The following UFD1 variants were observed in gnomAD, a reference collection of about 807,000 sequenced individuals.
UFD1 encodes ubiquitin recognition factor in ER associated degradation 1, also known as ubiquitin recognition factor in ER-associated degradation protein 1.
UFD1 carries 13 observed loss-of-function variants against 45.9 expected under a neutral mutation model. The observed-to-expected ratio is 0.28, with a 90% CI of 0.18 to 0.45. The LOEUF (loss-of-function observed/expected upper bound fraction) is 0.45, where lower values mean the gene tolerates loss of function less well. UFD1 is among the 20% of genes least tolerant of loss of function. UFD1 has a pLI of 1.00. For missense variants in UFD1, 218 were observed against 389.2 expected (o/e 0.56, Z 3.70); for synonymous variants, 128 against 139.2 (o/e 0.92, Z 0.56).
chr22:19,471,117 G>T, intron 4 of UFD1: 1 of 459,726 alleles, frequency 2.2e-6, no homozygotes. Flanking sequence ...CTTCTCTGAG[G>T]GGTACAGCCT....
intron 4 of UFD1, among the ~76,000 whole-genome samples, chr22:19,470,967 G>A (rs1483338088): frequency 6.6e-6 from 1 of 152,206 alleles, no homozygotes; most frequent in Non-Finnish European, 1.5e-5. Flanking sequence ...AGGACAAGCA[G>A]GTCCCTTTGT....
At chr22:19,459,210 TAC>T (rs1305723073) in intron 6 of UFD1, among the ~76,000 whole-genome samples, 7 of 152,252 alleles carry the variant, frequency 4.6e-5, no homozygotes, top group African/African-American at 1.7e-4. Context: ...TATGTAAATT[TAC>T]AGTTATACAA....
In UFD1 at chr22:19,456,882, C is replaced by T. The variant is rs748367529; in HGVS notation, c.601G>A (p.Glu201Lys). Residue 201 changes from glutamate to lysine, a missense_variant, in exon 8 of 12, where the codon GAA becomes AAA. Coordinates refer to ENST00000263202, the MANE Select transcript of UFD1 (RefSeq NM_005659.7). ...FDAPLGYKEP[E>K]RQVQHEESTE... ...GACTCCTCATGCTGGACTTGTCTTT[C>T]GGGTTCTTTGTAGCCCAGGGGAGCA... 94 of 1,611,684 alleles carry T rather than the reference C, an allele frequency of 5.8e-5. No homozygotes were observed. The highest frequency in any genetic ancestry group is 7.4e-5 in the Non-Finnish European group (87 of 1,178,730).
intron 5 of UFD1, chr22:19,466,030 C>T (rs1489753337): frequency 6.6e-6 from 1 of 152,240 alleles, no homozygotes; most frequent in African/African-American, 2.4e-5. Flanking sequence ...AAAAAGGTCA[C>T]ATGAAATGTG....
At position 19,479,097 on chromosome 22, in the gene UFD1, C is replaced by G. The variant is rs2089925203; in HGVS notation, c.-12G>C. On this transcript the variant is annotated 5_prime_UTR_variant, in exon 1 of 12. Coordinates refer to ENST00000263202, the MANE Select transcript of UFD1 (RefSeq NM_005659.7). Reference sequence around the variant, plus strand: ...TCAGCGCTTACCATGATGGACACCACCTGGCAGACTCCGCTCCTCTCAGGC... The same window carrying G: ...TCAGCGCTTACCATGATGGACACCAGCTGGCAGACTCCGCTCCTCTCAGGC... 1 of 1,611,490 alleles carries G rather than the reference C, an allele frequency of 6.2e-7. No homozygotes were observed. The highest frequency in any genetic ancestry group is 1.1e-5 in the South Asian group (1 of 90,914).
At position 19,467,954 on chromosome 22, in the gene UFD1, C is replaced by T. The variant is rs1059785; in HGVS notation, c.341G>A (p.Ser114Asn). 6.2e-7 allele frequency: 1 copy of T among 1,614,060 alleles called. No individual in the cohort carries two copies. Among genetic ancestry groups the T allele is most frequent in the Non-Finnish European group, 8.5e-7 (1 of 1,180,040 alleles). The change falls in exon 5 of 12, where the codon AGC becomes AAC. Residue 114 changes from serine to asparagine, a missense_variant. By Grantham distance (46) the Ser-to-Asn change is conservative. Coordinates refer to ENST00000263202, the MANE Select transcript of UFD1 (RefSeq NM_005659.7). ...GTAGGTGGCCACTTGAAGGTTGACG[C>T]TCTCCACCTGGACCAGGCCGCCTTC... is the stretch of plus-strand genomic sequence containing the variant. ...LEEGGLVQVE[S>N]VNLQVATYSK...
intron 1 of UFD1, among the ~76,000 whole-genome samples, chr22:19,477,341 C>T (rs539250388): frequency 2.0e-5 from 3 of 152,296 alleles, no homozygotes; most frequent in East Asian, 3.9e-4. Context: ...ATGGTATATA[C>T]ATACAATGAA....
At chr22:19,454,910 C>T (rs755952623) in intron 10 of UFD1, 80 bp from the exon 11 acceptor site, 145 of 1,481,364 alleles carry the variant, frequency 9.8e-5, no homozygotes, top group Non-Finnish European at 1.1e-4. Flanking sequence ...TCAAGAGGAA[C>T]GCAGAAAAGA....
At chr22:19,453,974 T>G in intron 11 of UFD1, 1 of 985,668 alleles carries the variant, frequency 1.0e-6, no homozygotes. Flanking sequence ...TTCCAGTTGC[T>G]GCCAGGCCTG....
intron 6 of UFD1, among the ~76,000 whole-genome samples, chr22:19,464,010 G>A (rs1033256639): frequency 6.6e-5 from 10 of 152,118 alleles, no homozygotes; most frequent in Admixed American, 6.6e-4. Flanking sequence ...AGAGTATTCA[G>A]TTAAGGTAAA....
intron 9 of UFD1, 78 bp from the exon 10 acceptor site, chr22:19,455,846 G>A: frequency 1.5e-6 from 2 of 1,376,914 alleles, no homozygotes; most frequent in Non-Finnish European, 2.1e-6. Context: ...ATCACTGCAG[G>A]GATGTGAGCT....
chr22:19,454,588 A>G (rs2089708221), intron 11 of UFD1, 161 bp downstream of exon 11: 8 of 1,443,332 alleles, frequency 5.5e-6, no homozygotes, highest in Non-Finnish European at 7.4e-6. Flanking sequence ...AGTCCATTAA[A>G]CCTCTTTCTT....
intron 3 of UFD1, among the ~76,000 whole-genome samples, chr22:19,473,816 G>T (rs1206832810): frequency 6.6e-6 from 1 of 152,196 alleles, no homozygotes. Context: ...CTGGAGTCAG[G>T]CTGGGCAAAG....
chr22:19,462,463 C>G (rs993124166), intron 6 of UFD1, among the ~76,000 whole-genome samples: 3 of 152,068 alleles, frequency 2.0e-5, no homozygotes, highest in African/African-American at 7.2e-5. Context: ...GTCAGGAGTT[C>G]GAGACCAGCC....
Position 19,471,674 on chromosome 22 carries a change from C to A in UFD1, c.291+13G>T. On this transcript the variant is annotated intron_variant, in intron 4 of 11. Transcript: ENST00000263202. ...AGTGGCTGCTCTCTAGAGACCCTGG[C>A]AGCCCCACTCACCCAGTGTGGGAGG... The A allele has an allele frequency of 6.2e-7, 1 of 1,611,416 alleles. No individual in the cohort carries two copies. Among genetic ancestry groups the A allele is most frequent in the South Asian group, 1.1e-5 (1 of 90,894 alleles).
At chr22:19,452,003 G>T in intron 11 of UFD1, 1 of 906,542 alleles carries the variant, frequency 1.1e-6, no homozygotes, top group Non-Finnish European at 1.3e-6. Context: ...GGAGCTTCCT[G>T]AGAAAAGATG....
intron 3 of UFD1, 113 bp from the exon 4 acceptor site, chr22:19,471,921 C>T: frequency 7.0e-7 from 1 of 1,431,866 alleles, no homozygotes; most frequent in South Asian, 1.4e-5. Flanking sequence ...CCCCACACTC[C>T]TCTGGCAGAT....
intron 6 of UFD1, among the ~76,000 whole-genome samples, chr22:19,462,673 A>C (rs1205497465): frequency 6.6e-6 from 1 of 152,162 alleles, no homozygotes; most frequent in Non-Finnish European, 1.5e-5. Context: ...CTCTCTCAAA[A>C]AAAAAGAGAG....
At chr22:19,460,725 T>C (rs2089759659) in intron 6 of UFD1, among the ~76,000 whole-genome samples, 1 of 151,826 alleles carries the variant, frequency 6.6e-6, no homozygotes, top group Non-Finnish European at 1.5e-5. Flanking sequence ...TTTTGATTCC[T>C]GCTTCCTCGA....
Sources: allele counts gnomAD v4.1 joint callset (sites outside exome capture counted in the v4.1 genomes callset), GRCh38; gene constraint gnomAD v4.1.1; transcripts MANE v1.5; gene names NCBI Gene and HGNC (gene_info 2026-07-23, HGNC 2026-07-21).